PLGRKT: variants seen among roughly 807,000 people sequenced by gnomAD.
PLGRKT encodes the protein plasminogen receptor (KT).
In PLGRKT, 22 loss-of-function variants were observed where a neutral mutation model predicts 18.5. The ratio of observed to expected loss-of-function variants is 1.19; its 90% CI spans 0.85 to 1.70. The LOEUF is 1.70. Among genes scored for constraint, PLGRKT ranks in the 40% most tolerant of loss-of-function variants. The pLI, the probability that PLGRKT is intolerant of heterozygous loss-of-function variation, is 0.00. For missense variants in PLGRKT, 235 were observed against 174.4 expected (o/e 1.35, Z -1.96); for synonymous variants, 72 against 52.8 (o/e 1.36, Z -1.58).
intron 4 of PLGRKT, 115 bp downstream of exon 4, chr9:5,361,643 G>T: frequency 2.1e-6 from 2 of 931,516 alleles, no homozygotes; most frequent in Non-Finnish European, 3.2e-6. Flanking sequence ...AGGTTACTTT[G>T]GTTACATACA....
chr9:5,375,076 G>A (rs2131082547), intron 3 of PLGRKT, among the ~76,000 whole-genome samples: 1 of 152,228 alleles, frequency 6.6e-6, no homozygotes, highest in Middle Eastern at 3.4e-3. Flanking sequence ...CACAGATAAG[G>A]AATGAGAGGT....
chr9:5,418,005 G>A lies in PLGRKT; in HGVS notation c.81+13892C>T, dbSNP rs1325438890. 1.3e-5 allele frequency among the ~76,000 whole-genome samples: 2 copies of A among 152,054 alleles called. No individual in the cohort carries two copies. The highest frequency in any genetic ancestry group is 1.3e-4 in the Admixed American group (2 of 15,264). On this transcript the variant is annotated intron_variant, in intron 3 of 5. Transcript: ENST00000223864. The surrounding 1 kb of genome is among the most constrained non-coding windows in gnomAD (Gnocchi z 4.2). The stretch of plus-strand genomic sequence containing the variant: ...CAGAGCATCTTTGTTTTAATCTAAC[G>A]GATTTCGAGAAGATCACATTGTACG...
chr9:5,397,302 G>C (rs548018819), intron 3 of PLGRKT, among the ~76,000 whole-genome samples: 1 of 151,762 alleles, frequency 6.6e-6, no homozygotes, highest in African/African-American at 2.4e-5. Context: ...CTTTATTCAC[G>C]CTTCTATTCA....
At chr9:5,391,264 T>C (rs1338040483) in intron 3 of PLGRKT, among the ~76,000 whole-genome samples, 2 of 151,982 alleles carry the variant, frequency 1.3e-5, no homozygotes, top group Non-Finnish European at 2.9e-5. Context: ...TTTGAACCAA[T>C]TGCAGTTTAT....
chr9:5,426,689 G>C (rs917855258), intron 3 of PLGRKT, among the ~76,000 whole-genome samples: 3 of 152,210 alleles, frequency 2.0e-5, no homozygotes, highest in Non-Finnish European at 4.4e-5. Context: ...TTGCTGGGTA[G>C]GATGAGGTCA....
At chr9:5,424,122 T>C (rs1396435036) in intron 3 of PLGRKT, among the ~76,000 whole-genome samples, 4 of 142,298 alleles carry the variant, frequency 2.8e-5, no homozygotes, top group African/African-American at 1.0e-4. Context: ...GTCTATATTA[T>C]AATATATATT....
intron 3 of PLGRKT, among the ~76,000 whole-genome samples, chr9:5,396,954 T>C (rs1818061574): frequency 1.3e-5 from 2 of 151,996 alleles, no homozygotes; most frequent in African/African-American, 4.8e-5. Context: ...TTCAATGTGA[T>C]TCATACTTCA....
chr9:5,424,675 T>TA (rs1273915904), intron 3 of PLGRKT, among the ~76,000 whole-genome samples: 1 of 101,740 alleles, frequency 9.8e-6, no homozygotes, highest in Non-Finnish European at 1.9e-5. Flanking sequence ...ATTTTATATA[T>TA]ATATATATAT....
chr9:5,429,339 C>T (rs1224337559), intron 3 of PLGRKT, among the ~76,000 whole-genome samples: 1 of 152,210 alleles, frequency 6.6e-6, no homozygotes, highest in Non-Finnish European at 1.5e-5. Context: ...GCAGCAGCAC[C>T]ACCTGCTTGG....
Position 5,418,712 on chromosome 9 carries a change from C to T in PLGRKT, c.81+13185G>A, listed in dbSNP as rs1370691362. 3 of 665,306 alleles carry T rather than the reference C, an allele frequency of 4.5e-6. No individual in the cohort carries two copies. In the South Asian group the frequency reaches 4.9e-5, roughly 11 times the overall value. 41.2% of individuals were successfully genotyped at this position (665,306 alleles called of 1,614,324 possible). A position where few individuals can be genotyped will look rare whatever the true frequency, so the allele number is the denominator to read the frequency against. On this transcript the variant is annotated intron_variant, in intron 3 of 5. Coordinates refer to ENST00000223864, the MANE Select transcript of PLGRKT (RefSeq NM_018465.4). The surrounding 1 kb of genome is among the most constrained non-coding windows in gnomAD (Gnocchi z 4.2). ...CCACTGCCGGGAAGTCTGATGAAGACCGGCATGTGCTCCGAAGCGTGTGGA... is the reference window on the plus strand; with the variant it reads ...CCACTGCCGGGAAGTCTGATGAAGATCGGCATGTGCTCCGAAGCGTGTGGA...
chr9:5,430,170 C>T (rs1818792801), intron 3 of PLGRKT, among the ~76,000 whole-genome samples: 2 of 152,220 alleles, frequency 1.3e-5, no homozygotes, highest in Non-Finnish European at 2.9e-5. Context: ...TAATAAAGTC[C>T]TCTGACTCTG....
chr9:5,372,571 G>C (rs753492067), intron 3 of PLGRKT, among the ~76,000 whole-genome samples: 3 of 152,166 alleles, frequency 2.0e-5, no homozygotes, highest in Non-Finnish European at 4.4e-5. Context: ...CAGAACGTGG[G>C]ATTCTCCTAG....
At chr9:5,402,831 G>A (rs1818180668) in intron 3 of PLGRKT, among the ~76,000 whole-genome samples, 1 of 151,928 alleles carries the variant, frequency 6.6e-6, no homozygotes, top group African/African-American at 2.4e-5. Flanking sequence ...TAACGTTTTT[G>A]AAATTTAGGA....
chr9:5,367,225 C>A (rs1817413255), intron 3 of PLGRKT, among the ~76,000 whole-genome samples: 1 of 151,846 alleles, frequency 6.6e-6, no homozygotes, highest in Admixed American at 6.6e-5. Context: ...TCATTCTTCA[C>A]AGAACTAGAA....
chr9:5,373,174 C>T (rs1056539334), intron 3 of PLGRKT, among the ~76,000 whole-genome samples: 2 of 152,094 alleles, frequency 1.3e-5, no homozygotes, highest in African/African-American at 2.4e-5. Flanking sequence ...CAAATTATTC[C>T]GTTTAAATCT....
At chr9:5,371,528 G>C (rs1447467504) in intron 3 of PLGRKT, among the ~76,000 whole-genome samples, 3 of 152,224 alleles carry the variant, frequency 2.0e-5, no homozygotes, top group Admixed American at 6.5e-5. Flanking sequence ...CGCCAGGAAA[G>C]AAGTGCCTTT....
chr9:5,402,307 C>A (rs1186364756), intron 3 of PLGRKT, among the ~76,000 whole-genome samples: 3 of 151,766 alleles, frequency 2.0e-5, no homozygotes, highest in African/African-American at 7.3e-5. Context: ...TTAAGGTAAC[C>A]TCAAGGGATG....
intron 3 of PLGRKT, among the ~76,000 whole-genome samples, chr9:5,429,222 C>A (rs1011466772): frequency 6.6e-6 from 1 of 152,120 alleles, no homozygotes; most frequent in Non-Finnish European, 1.5e-5. Flanking sequence ...AAAACAGACT[C>A]CCCAGTCAGG....
chr9:5,399,466 G>A (rs946917163), intron 3 of PLGRKT, among the ~76,000 whole-genome samples: 1 of 151,576 alleles, frequency 6.6e-6, no homozygotes, highest in African/African-American at 2.4e-5. Flanking sequence ...TTTCTTTAGA[G>A]TTGTGCATTT....
Sources: allele counts gnomAD v4.1 joint callset (sites outside exome capture counted in the v4.1 genomes callset), GRCh38; gene constraint gnomAD v4.1.1; non-coding constraint Gnocchi (gnomAD v3.1); transcripts MANE v1.5; gene names NCBI Gene and HGNC (gene_info 2026-07-23, HGNC 2026-07-21).